The following CCL5 variants were observed in gnomAD, a reference collection of about 807,000 sequenced individuals.
CCL5 encodes C-C motif chemokine ligand 5.
CCL5 carries 5 observed loss-of-function variants against 9.0 expected under a neutral mutation model. The observed-to-expected ratio is 0.55, with a 90% CI of 0.29 to 1.16. The LOEUF (loss-of-function observed/expected upper bound fraction) is 1.16. Ranked by LOEUF, CCL5 falls within the 50% of genes most tolerant of loss-of-function variation. The pLI, the probability that CCL5 is intolerant of heterozygous loss-of-function variation, is 0.08. For missense variants in CCL5, 183 were observed against 183.2 expected (o/e 1.00, Z 0.01); for synonymous variants, 66 against 72.0 (o/e 0.92, Z 0.42).
intron 1 of CCL5, among the ~76,000 whole-genome samples, chr17:35,879,895 G>A (rs2088493693): frequency 6.6e-6 from 1 of 152,146 alleles, no homozygotes; most frequent in Admixed American, 6.5e-5. Context: ...ACAGGCATGA[G>A]TCAGACGTGT....
chr17:35,875,470 T>C, intron 3 of CCL5: 2 of 450,188 alleles, frequency 4.4e-6, no homozygotes, highest in Non-Finnish European at 5.9e-6. Flanking sequence ...TGTGCAGAGA[T>C]GAAAAGGGAA....
At chr17:35,875,458 G>T in intron 3 of CCL5, 1 of 333,360 alleles carries the variant, frequency 3.0e-6, no homozygotes, top group Non-Finnish European at 4.3e-6. Flanking sequence ...CTCCCACCCC[G>T]GTGTGCAGAG....
rs28914810 is a variant in CCL5, at chr17:35,873,429, C to A, written c.271-965G>T. Among the ~76,000 whole-genome samples the A allele has an allele frequency of 1.0e-3, 159 of 152,232 alleles. 1 individual carries two copies. The highest frequency in any genetic ancestry group is 1.8e-3 in the Non-Finnish European group (121 of 67,998). ...GTCTCGATCTCCTGACCTCGTGATT[C>A]ACCCACCTTGGCCTCCCAAAGTGCT... On this transcript the variant is annotated intron_variant, in intron 3 of 3. Coordinates refer to ENST00000651122, the MANE Select transcript of CCL5 (RefSeq NM_001278736.2).
Position 35,872,465 on chromosome 17 carries a change from C to G in CCL5, c.271-1G>C, listed in dbSNP as rs1055806210. The G allele has an allele frequency of 1.9e-6, 3 of 1,613,796 alleles. No individual in the cohort carries two copies. In the African/African-American group the frequency reaches 4.0e-5, roughly 22 times the overall value. The stretch of plus-strand genomic sequence containing the variant: ...TTGGCGGTTCTTTCGGGTGACAAAG[C>G]TGTGGGAGAGGAGAAGAAGAGGGAG... On this transcript the variant is annotated splice_acceptor_variant, in intron 3 of 3. Transcript: ENST00000651122. LOFTEE classifies it high-confidence loss of function.
At chr17:35,875,513 A>C in intron 3 of CCL5, 196 of 804,846 alleles carry the variant, frequency 2.4e-4, no homozygotes, top group Middle Eastern at 6.4e-4. Flanking sequence ...CATACTTTCT[A>C]GAGTTTGTGT....
chr17:35,880,188 A>T, intron 1 of CCL5, 42 bp downstream of exon 1: 1 of 1,539,924 alleles, frequency 6.5e-7, no homozygotes, highest in Non-Finnish European at 9.0e-7. Context: ...TTCTAGGCAG[A>T]GTCTGACTCC....
rs750833551 is a variant in CCL5, at chr17:35,872,467, G to A, written c.271-3C>T. ...GGCGGTTCTTTCGGGTGACAAAGCT[G>A]TGGGAGAGGAGAAGAAGAGGGAGGA... On this transcript the variant is annotated splice_region_variant and splice_polypyrimidine_tract_variant and intron_variant, in intron 3 of 3. Coordinates refer to ENST00000651122, the MANE Select transcript of CCL5 (RefSeq NM_001278736.2). The A allele has an allele frequency of 6.2e-6, 10 of 1,613,864 alleles. No homozygotes were observed. Among genetic ancestry groups the A allele is most frequent in the Admixed American group, 3.3e-5 (2 of 59,994 alleles).
chr17:35,878,545 G>C lies in CCL5; in HGVS notation c.171C>G (p.Cys57Trp). 4 of 1,613,486 alleles carry C rather than the reference G, an allele frequency of 2.5e-6. No homozygotes were observed. The highest frequency in any genetic ancestry group is 3.4e-6 in the Non-Finnish European group (4 of 1,179,522). Residue 57 changes from cysteine to tryptophan, a missense_variant, in exon 2 of 4, where the codon TGC becomes TGG. Coordinates refer to ENST00000651122, the MANE Select transcript of CCL5 (RefSeq NM_001278736.2). Reference sequence around the variant, plus strand: ...AGACTCACACGACTGCTGGGTTGGAGCACTTGCCACTGGTGTAGAAATACT... The same window carrying C: ...AGACTCACACGACTGCTGGGTTGGACCACTTGCCACTGGTGTAGAAATACT...
At chr17:35,879,635 C>CAAAAA (rs35764706) in intron 1 of CCL5, among the ~76,000 whole-genome samples, 11 of 48,638 alleles carry the variant, frequency 2.3e-4, no homozygotes, top group East Asian at 4.8e-4. Flanking sequence ...GACTCCATCT[C>CAAAAA]AAAAAAAAAA....
chr17:35,872,539 A>G, intron 3 of CCL5, 75 bp from the exon 3 acceptor site: 2 of 1,227,090 alleles, frequency 1.6e-6, no homozygotes, highest in Non-Finnish European at 2.4e-6. Context: ...GATGAAGTGG[A>G]TTAAGGTATA....
At chr17:35,875,171 A>C (rs1282609739) in intron 3 of CCL5, among the ~76,000 whole-genome samples, 2 of 152,018 alleles carry the variant, frequency 1.3e-5, no homozygotes, top group African/African-American at 4.8e-5. Context: ...TTCTTTCTCT[A>C]TGCATGTATT....
intron 3 of CCL5, among the ~76,000 whole-genome samples, chr17:35,874,777 A>G (rs1484191722): frequency 6.6e-6 from 1 of 151,846 alleles, no homozygotes; most frequent in African/African-American, 2.4e-5. Context: ...CGCCCAGCTA[A>G]TGTTTTTGTA....
rs776702497 is a variant in CCL5, at chr17:35,872,268, C to A, written c.*2G>T. ...GCTGCTGTGTGGTAGAATCTGGGCC[C>A]TTCAAGGAGCGGGTGGGGTAGGATA... On this transcript the variant is annotated 3_prime_UTR_variant, in exon 4 of 4. Coordinates refer to ENST00000651122, the MANE Select transcript of CCL5 (RefSeq NM_001278736.2). 61 of 1,545,782 alleles carry A rather than the reference C, an allele frequency of 3.9e-5. No individual in the cohort carries two copies. The South Asian group carries it at 6.2e-4, about 16-fold the overall frequency.
At chr17:35,875,811 CCTT>C (rs2088435208) in intron 2 of CCL5, among the ~76,000 whole-genome samples, 2 of 152,174 alleles carry the variant, frequency 1.3e-5, no homozygotes, top group Admixed American at 1.3e-4. Flanking sequence ...CTGACTTCCT[CCTT>C]CTGCCTACCC....
intron 2 of CCL5, among the ~76,000 whole-genome samples, chr17:35,878,160 G>C (rs923121369): frequency 1.3e-5 from 2 of 151,880 alleles, no homozygotes; most frequent in South Asian, 4.2e-4. Context: ...GTGGGCACCT[G>C]TAGTCCCAGC....
At chr17:35,878,479 A>G in intron 2 of CCL5, 49 bp downstream of exon 2, 1 of 1,281,838 alleles carries the variant, frequency 7.8e-7, no homozygotes, top group Non-Finnish European at 1.1e-6. Flanking sequence ...CTCTCAGAGG[A>G]CTCCTCAGGG....
chr17:35,877,625 T>C (rs927115126), intron 2 of CCL5, among the ~76,000 whole-genome samples: 3 of 152,228 alleles, frequency 2.0e-5, no homozygotes, highest in African/African-American at 2.4e-5. Flanking sequence ...TGCATACTTG[T>C]CAGAGCTAAG....
intron 3 of CCL5, among the ~76,000 whole-genome samples, chr17:35,873,444 C>T (rs1199262214): frequency 6.6e-6 from 1 of 152,162 alleles, no homozygotes. Flanking sequence ...ACCTTGGCCT[C>T]CCAAAGTGCT....
chr17:35,875,735 C>A (rs574504100), intron 2 of CCL5: 67 of 359,952 alleles, frequency 1.9e-4, no homozygotes, highest in African/African-American at 1.5e-3. Context: ...GACTGTGATA[C>A]CAAAGAACAG....
Sources: allele counts gnomAD v4.1 joint callset (sites outside exome capture counted in the v4.1 genomes callset), GRCh38; gene constraint gnomAD v4.1.1; transcripts MANE v1.5; gene names NCBI Gene and HGNC (gene_info 2026-07-23, HGNC 2026-07-21).